The following NKAIN2 variants were observed in gnomAD, a reference collection of about 807,000 sequenced individuals.
NKAIN2 encodes sodium/potassium-transporting ATPase subunit beta-1-interacting protein 2.
In NKAIN2, 14 loss-of-function variants were observed where a neutral mutation model predicts 32.6. The observed-to-expected ratio is 0.43, with a 90% CI of 0.28 to 0.67. NKAIN2 has a LOEUF of 0.67. Ranked by LOEUF, NKAIN2 falls within the 30% of genes least tolerant of loss-of-function variation. The pLI, the probability that NKAIN2 is intolerant of heterozygous loss-of-function variation, is 0.17. For missense variants in NKAIN2, 198 were observed against 258.3 expected (o/e 0.77, Z 1.60); for synonymous variants, 80 against 87.2 (o/e 0.92, Z 0.46).
chr6:123,889,530 C>A (rs920219989), intron 1 of NKAIN2, among the ~76,000 whole-genome samples: 1 of 152,032 alleles, frequency 6.6e-6, no homozygotes, highest in Admixed American at 6.6e-5. Flanking sequence ...TCAGAGAATG[C>A]AAGGAAGAAG....
intron 1 of NKAIN2, among the ~76,000 whole-genome samples, chr6:123,813,957 T>A (rs923873571): frequency 1.3e-5 from 2 of 151,794 alleles, no homozygotes; most frequent in Non-Finnish European, 2.9e-5. Context: ...ATTGGAGCAA[T>A]GTATAGGATT....
chr6:123,829,583 C>T (rs141980409), intron 1 of NKAIN2, among the ~76,000 whole-genome samples: 458 of 152,274 alleles, frequency 3.0e-3, no homozygotes, highest in South Asian at 4.4e-3. Context: ...GCTTATGCTT[C>T]CTGGCCCAGA....
At chr6:123,843,166 G>A (rs1180895040) in intron 1 of NKAIN2, among the ~76,000 whole-genome samples, 1 of 152,162 alleles carries the variant, frequency 6.6e-6, no homozygotes, top group Non-Finnish European at 1.5e-5. Flanking sequence ...AACACTCAGT[G>A]AAGACTCAGT....
intron 5 of NKAIN2, among the ~76,000 whole-genome samples, chr6:124,797,866 T>C (rs1428813187): frequency 6.6e-6 from 1 of 152,012 alleles, no homozygotes; most frequent in Non-Finnish European, 1.5e-5. Flanking sequence ...TTTCTTCCTG[T>C]CTATAAAGGA....
At chr6:123,841,264 T>C (rs1774857080) in intron 1 of NKAIN2, among the ~76,000 whole-genome samples, 1 of 152,192 alleles carries the variant, frequency 6.6e-6, no homozygotes, top group South Asian at 2.1e-4. Context: ...GTAGGTATGA[T>C]TAACTGCTAA....
At chr6:124,387,791 G>A (rs1772973800) in intron 3 of NKAIN2, among the ~76,000 whole-genome samples, 1 of 151,998 alleles carries the variant, frequency 6.6e-6, no homozygotes, top group African/African-American at 2.4e-5. Context: ...TCTGTGCCTT[G>A]TATATCTCTG....
chr6:124,614,301 C>T (rs1326634422), intron 3 of NKAIN2, among the ~76,000 whole-genome samples: 2 of 151,970 alleles, frequency 1.3e-5, no homozygotes, highest in Non-Finnish European at 2.9e-5. Flanking sequence ...GGCTGAGGCA[C>T]GAGAATTGCT....
At chr6:124,152,951 A>T (rs1178776053) in intron 1 of NKAIN2, among the ~76,000 whole-genome samples, 1 of 151,956 alleles carries the variant, frequency 6.6e-6, no homozygotes, top group Non-Finnish European at 1.5e-5. Flanking sequence ...GCTAAAAAAA[A>T]GTACATCTCT....
At chr6:124,021,983 G>T (rs1780887888) in intron 1 of NKAIN2, among the ~76,000 whole-genome samples, 2 of 152,058 alleles carry the variant, frequency 1.3e-5, no homozygotes, top group Non-Finnish European at 2.9e-5. Context: ...CTATGTTGGT[G>T]TGCTGCACCC....
At chr6:124,163,879 A>G (rs900426354) in intron 1 of NKAIN2, among the ~76,000 whole-genome samples, 2 of 152,042 alleles carry the variant, frequency 1.3e-5, no homozygotes, top group African/African-American at 4.8e-5. Flanking sequence ...CTCCATTGAT[A>G]CAAACGATGG....
At chr6:124,469,119 T>C (rs1209811882) in intron 3 of NKAIN2, among the ~76,000 whole-genome samples, 1 of 152,224 alleles carries the variant, frequency 6.6e-6, no homozygotes, top group Non-Finnish European at 1.5e-5. Flanking sequence ...GTAGCCCTGC[T>C]GCTGATCTGG....
At position 123,804,118 on chromosome 6, in the gene NKAIN2, TC is replaced by T; in HGVS notation, c.-79del. 1 of 1,313,468 alleles carries T rather than the reference TC, an allele frequency of 7.6e-7. No individual in the cohort carries two copies. Among genetic ancestry groups the T allele is most frequent in the Non-Finnish European group, 1.1e-6 (1 of 906,840 alleles). The allele number at this position is 1,313,468 out of a possible 1,614,324, so 81.4% of individuals were successfully genotyped here. ...AGCCCTCGGCAGGTTTGCGTGTCCT[TC>T]CCCGCGATCTGATTGGATAAAGTGG... On this transcript the variant is annotated 5_prime_UTR_variant, in exon 1 of 7. It introduces an in-frame stop codon into an upstream open reading frame of the 5' UTR. Transcript: ENST00000368417.
rs188851526 is a variant in NKAIN2, at chr6:123,824,786, G to A, written c.54+20532G>A. 2.6e-5 allele frequency among the ~76,000 whole-genome samples: 4 copies of A among 151,990 alleles called. No homozygotes were observed. In the East Asian group the frequency reaches 7.7e-4, roughly 29 times the overall value. ...ACTATCCCATTATCCAGTCAGCAAG[G>A]GAAGAGTTTTAGGTTTAGGATCAGG... On this transcript the variant is annotated intron_variant, in intron 1 of 6. Transcript: ENST00000368417.
chr6:124,794,792 C>G, intron 5 of NKAIN2: 4 of 602,230 alleles, frequency 6.6e-6, no homozygotes, highest in Non-Finnish European at 8.3e-6. Context: ...GGTTACAATG[C>G]TTTGGGTTGA....
intron 1 of NKAIN2, among the ~76,000 whole-genome samples, chr6:124,189,067 C>A (rs1232287773): frequency 6.6e-6 from 1 of 152,136 alleles, no homozygotes; most frequent in African/African-American, 2.4e-5. Context: ...GCCACATCAT[C>A]ATTTTGTTGC....
At chr6:123,922,022 G>T (rs1775782400) in intron 1 of NKAIN2, among the ~76,000 whole-genome samples, 1 of 151,996 alleles carries the variant, frequency 6.6e-6, no homozygotes, top group Non-Finnish European at 1.5e-5. Flanking sequence ...ACGATGCTGT[G>T]CCCATTAATT....
At chr6:124,709,516 C>A (rs531103461) in intron 4 of NKAIN2, among the ~76,000 whole-genome samples, 2,058 of 149,602 alleles carry the variant, frequency 0.014, 27 homozygotes, top group Admixed American at 0.032. Context: ...ACAATTTCAG[C>A]TCCTGTTATT....
chr6:124,786,070 G>A (rs1023010145), intron 4 of NKAIN2, among the ~76,000 whole-genome samples: 1 of 152,006 alleles, frequency 6.6e-6, no homozygotes, highest in African/African-American at 2.4e-5. Context: ...GTCTTGCTAG[G>A]CTGCCTTTTC....
chr6:124,767,190 G>A (rs1778552901), intron 4 of NKAIN2, among the ~76,000 whole-genome samples: 1 of 151,872 alleles, frequency 6.6e-6, no homozygotes, highest in Non-Finnish European at 1.5e-5. Context: ...CACCGCGCCC[G>A]GCCCTATTTT....
Sources: allele counts gnomAD v4.1 joint callset (sites outside exome capture counted in the v4.1 genomes callset), GRCh38; gene constraint gnomAD v4.1.1; transcripts MANE v1.5; gene names NCBI Gene and HGNC (gene_info 2026-07-23, HGNC 2026-07-21).